SDK2: variants seen among roughly 807,000 people sequenced by gnomAD.
SDK2 encodes the protein sidekick cell adhesion molecule 2, also known as protein sidekick-2.
Under a neutral mutation model 253.9 loss-of-function variants are expected in SDK2, and 105 were observed. The observed-to-expected ratio is 0.41, with a 90% confidence interval of 0.35 to 0.49. SDK2 has a LOEUF of 0.49. SDK2 is among the 20% of genes least tolerant of loss of function. The pLI, the probability that SDK2 is intolerant of heterozygous loss-of-function variation, is 0.06. For synonymous variants in SDK2, 1,249 were observed against 1,234.9 expected, an observed-to-expected ratio of 1.01 and a Z score of -0.24; for missense variants, 2,608 against 3,003.0, an observed-to-expected ratio of 0.87 and a Z score of 3.07.
At position 73,350,384 on chromosome 17, in the gene SDK2, G is replaced by C. The variant is rs376004218; in HGVS notation, c.5900-9C>G. On this transcript the variant is annotated splice_polypyrimidine_tract_variant and intron_variant, in intron 42 of 44. Coordinates refer to ENST00000392650, the MANE Select transcript of SDK2 (RefSeq NM_001144952.2). ...AGACTTGGCACTGTTCCCTGAAGTC[G>C]GCGGGAGATTGACACCCTTTAGACT... 1 of 1,611,982 alleles carries C rather than the reference G, an allele frequency of 6.2e-7. No homozygotes were observed.
At chr17:73,538,354 C>T (rs1460614543) in intron 1 of SDK2, among the ~76,000 whole-genome samples, 1 of 152,150 alleles carries the variant, frequency 6.6e-6, no homozygotes, top group Non-Finnish European at 1.5e-5. Flanking sequence ...TTTGTTTGGA[C>T]TCCCCTTACC....
rs2046415256 is a variant in SDK2, at chr17:73,642,877, C to T, written c.64+1148G>A. ...TTTTCATCTCTTTGATCTTGGCTCT[C>T]TGGATTGCCTGGCGCACGAGGCGGC... On this transcript the variant is annotated intron_variant, in intron 1 of 44. Transcript: ENST00000392650. The surrounding 1 kb of genome is among the most constrained non-coding windows in gnomAD (Gnocchi z 4.7). 6.6e-6 allele frequency among the ~76,000 whole-genome samples: 1 copy of T among 152,180 alleles called. No homozygotes were observed. The highest frequency in any genetic ancestry group is 2.1e-4 in the South Asian group (1 of 4,830).
intron 17 of SDK2, among the ~76,000 whole-genome samples, chr17:73,415,423 G>T (rs2063172258): frequency 6.9e-6 from 1 of 144,110 alleles, no homozygotes; most frequent in Admixed American, 7.1e-5. Flanking sequence ...CACGATCTCA[G>T]CTCATTGCAG....
chr17:73,453,299 C>T (rs760594566), intron 4 of SDK2, among the ~76,000 whole-genome samples: 2 of 152,056 alleles, frequency 1.3e-5, no homozygotes, highest in Admixed American at 6.6e-5. Context: ...CCAGCCAAGC[C>T]CAGCCTAAAT....
At chr17:73,526,009 C>G (rs1163736051) in intron 1 of SDK2, among the ~76,000 whole-genome samples, 1 of 152,228 alleles carries the variant, frequency 6.6e-6, no homozygotes, top group Non-Finnish European at 1.5e-5. Flanking sequence ...GGCAGTGGGA[C>G]AAGTGCGCGA....
At chr17:73,514,774 AG>A (rs2064010523) in intron 1 of SDK2, among the ~76,000 whole-genome samples, 1 of 152,152 alleles carries the variant, frequency 6.6e-6, no homozygotes. Flanking sequence ...GCTTGGAAAC[AG>A]GGTGGGAGCT....
At chr17:73,364,112 C>T (rs2062664330) in intron 38 of SDK2, among the ~76,000 whole-genome samples, 1 of 152,114 alleles carries the variant, frequency 6.6e-6, no homozygotes, top group African/African-American at 2.4e-5. Flanking sequence ...ACCCCCAGCA[C>T]CTGGCTGGGA....
intron 36 of SDK2, among the ~76,000 whole-genome samples, chr17:73,374,368 C>T (rs2062759904): frequency 6.9e-6 from 1 of 144,630 alleles, no homozygotes; most frequent in Admixed American, 7.0e-5. Context: ...TCCCTAGCCT[C>T]CTCCTTCACC....
At chr17:73,637,897 G>C (rs1420811003) in intron 1 of SDK2, among the ~76,000 whole-genome samples, 1 of 152,224 alleles carries the variant, frequency 6.6e-6, no homozygotes, top group Non-Finnish European at 1.5e-5. Context: ...GGCCTGCTAA[G>C]AGGCAGATTC....
At chr17:73,357,674 C>T (rs776719291) in intron 40 of SDK2, 1 of 315,854 alleles carries the variant, frequency 3.2e-6, no homozygotes, top group Non-Finnish European at 6.0e-6. Context: ...TTATAGCAGC[C>T]ACTGAGACAG....
At position 73,438,446 on chromosome 17, in the gene SDK2, T is replaced by A. The variant is rs75709041; in HGVS notation, c.726-292A>T. Among the ~76,000 whole-genome samples, 354 of 152,292 alleles carry A rather than the reference T, an allele frequency of 2.3e-3. 12 individuals carry two copies. The East Asian group carries it at 0.063, about 27-fold the overall frequency. On this transcript the variant is annotated intron_variant, in intron 6 of 44. Coordinates refer to ENST00000392650, the MANE Select transcript of SDK2 (RefSeq NM_001144952.2). ...CAGGGCCTGCTGATGGACTTGGAAC[T>A]CAGGGCTTGGCAGCTCAGGCAAAGC...
chr17:73,532,282 G>A (rs905236428), intron 1 of SDK2, among the ~76,000 whole-genome samples: 14 of 148,072 alleles, frequency 9.5e-5, no homozygotes, highest in South Asian at 6.5e-4. Context: ...CTAGACAGGA[G>A]CAAGTTCCCT....
At position 73,335,016 on chromosome 17, in the gene SDK2, C is replaced by T. The variant is rs961148147; in HGVS notation, c.*3571G>A. On this transcript the variant is annotated 3_prime_UTR_variant, in exon 45 of 45. Transcript: ENST00000392650. ...CAGAAGGCCTTGAGGCAGCGTGCAC[C>T]AGGTGGGGGCAGCCCCCGCTGTGTC... 6.6e-6 allele frequency: 1 copy of T among 152,270 alleles called. No homozygotes were observed. Among genetic ancestry groups the T allele is most frequent in the African/African-American group, 2.4e-5 (1 of 41,328 alleles). The allele number at this position is 152,270 out of a possible 1,614,324, so 9.4% of individuals were successfully genotyped here. A position where few individuals can be genotyped will look rare whatever the true frequency, so the allele number is the denominator to read the frequency against.
intron 1 of SDK2, among the ~76,000 whole-genome samples, chr17:73,539,406 C>T (rs2044829596): frequency 6.6e-6 from 1 of 151,810 alleles, no homozygotes; most frequent in Non-Finnish European, 1.5e-5. Flanking sequence ...CCCAGCTGTA[C>T]ATCAGCCCTG....
chr17:73,515,130 C>T (rs1445501804), intron 1 of SDK2, among the ~76,000 whole-genome samples: 1 of 152,192 alleles, frequency 6.6e-6, no homozygotes, highest in African/African-American at 2.4e-5. Flanking sequence ...ATCATTTTCC[C>T]CATTTTAATA....
intron 1 of SDK2, among the ~76,000 whole-genome samples, chr17:73,605,677 C>A (rs1001625108): frequency 3.9e-5 from 6 of 152,218 alleles, no homozygotes; most frequent in Non-Finnish European, 7.3e-5. Context: ...CAAATTCGGG[C>A]AATACCCTGG....
intron 2 of SDK2, among the ~76,000 whole-genome samples, chr17:73,506,646 AG>A (rs1322068485): frequency 1.3e-5 from 2 of 152,242 alleles, no homozygotes; most frequent in Non-Finnish European, 2.9e-5. Flanking sequence ...TATGCACATC[AG>A]GCCCTGGGAT....
intron 33 of SDK2, 53 bp from the exon 34 acceptor site, chr17:73,381,003 G>C (rs2062826461): frequency 2.6e-6 from 3 of 1,163,108 alleles, no homozygotes. Flanking sequence ...GCAGACAGAG[G>C]AGGTTAGTGC....
At chr17:73,362,611 G>GAAC (rs2062650906) in intron 38 of SDK2, among the ~76,000 whole-genome samples, 1 of 151,748 alleles carries the variant, frequency 6.6e-6, no homozygotes, top group Non-Finnish European at 1.5e-5. Context: ...GGCTGGTCGC[G>GAAC]AACTCCTGGC....
Sources: gnomAD v4.1 joint callset for allele counts (sites outside exome capture counted in the v4.1 genomes callset) on GRCh38, gnomAD v4.1.1 for gene constraint, Gnocchi (gnomAD v3.1) non-coding constraint, MANE v1.5 for transcripts, NCBI Gene and HGNC (gene_info 2026-07-23, HGNC 2026-07-21) for gene names.